NGLY1: variants seen among roughly 807,000 people sequenced by gnomAD.
NGLY1 encodes peptide-N(4)-(N-acetyl-beta-glucosaminyl)asparagine amidase.
A neutral mutation model predicts 84.6 loss-of-function variants in NGLY1; 68 were observed. That is an observed-to-expected ratio of 0.80 (90% CI 0.66 to 0.98). The LOEUF (loss-of-function observed/expected upper bound fraction) is 0.98. NGLY1 is among the 50% of genes least tolerant of loss of function. NGLY1 has a pLI of 0.00. For synonymous variants in NGLY1, 280 were observed against 275.2 expected (o/e 1.02, Z -0.17); for missense variants, 779 against 770.2 (o/e 1.01, Z -0.14).
chr3:25,785,455 C>G (rs565685310), upstream of NGLY1, among the ~76,000 whole-genome samples: 4 of 150,130 alleles, frequency 2.7e-5, no homozygotes, highest in Admixed American at 1.3e-4. Context: ...TTTATTTATC[C>G]TTTACTAATT....
At chr3:25,778,501 A>G in intron 2 of NGLY1, 73 bp downstream of exon 2, 1 of 759,948 alleles carries the variant, frequency 1.3e-6, no homozygotes, top group Non-Finnish European at 2.1e-6. Context: ...TCTTATTCAA[A>G]CAATTATTCA....
chr3:25,757,444 T>C (rs1707098199), intron 3 of NGLY1, among the ~76,000 whole-genome samples: 1 of 152,188 alleles, frequency 6.6e-6, no homozygotes, highest in Admixed American at 6.5e-5. Flanking sequence ...GTTCGACTGG[T>C]ATACGTGAAA....
chr3:25,734,794 T>G, intron 7 of NGLY1: 12 of 938,142 alleles, frequency 1.3e-5, no homozygotes, highest in Non-Finnish European at 1.5e-5. Context: ...TCCTAAACAG[T>G]TGATAGTTTA....
At position 25,737,327 on chromosome 3, in the gene NGLY1, T is replaced by C. The variant is rs1256557675; in HGVS notation, c.1003+7A>G. 6 of 1,606,650 alleles carry C rather than the reference T, an allele frequency of 3.7e-6. No homozygotes were observed. In the African/African-American group the frequency reaches 4.0e-5, roughly 11 times the overall value. ...CTACTACCCTCTGCTCATTCCACATTCTGTACCTGTGTAATCCCAAACATA... is the reference window on the plus strand; with the variant it reads ...CTACTACCCTCTGCTCATTCCACATCCTGTACCTGTGTAATCCCAAACATA... On this transcript the variant is annotated splice_region_variant and intron_variant, in intron 6 of 11. Coordinates refer to ENST00000280700, the MANE Select transcript of NGLY1 (RefSeq NM_018297.4).
chr3:25,755,391 C>G, intron 3 of NGLY1: 1 of 1,381,772 alleles, frequency 7.2e-7, no homozygotes. Flanking sequence ...AAACCTACCA[C>G]TCCTACTATA....
At position 25,737,702 on chromosome 3, in the gene NGLY1, C is replaced by G. The variant is rs902871900; in HGVS notation, c.882-247G>C. On this transcript the variant is annotated intron_variant, in intron 5 of 11. Coordinates refer to ENST00000280700, the MANE Select transcript of NGLY1 (RefSeq NM_018297.4). ...TGACTACAGGTGCATGCCACCAGGT[C>G]TGGCTAATTTTGTTTGTATTTTCAG... Among the ~76,000 whole-genome samples, 4 of 152,032 alleles carry G rather than the reference C, an allele frequency of 2.6e-5. No homozygotes were observed. The East Asian group carries it at 5.8e-4, about 22-fold the overall frequency.
intron 3 of NGLY1, among the ~76,000 whole-genome samples, chr3:25,756,032 TACTAC>T (rs1250079124): frequency 6.6e-6 from 1 of 152,228 alleles, no homozygotes; most frequent in Non-Finnish European, 1.5e-5. Context: ...TACATTTAAA[TACTAC>T]TTTATTTTAT....
intron 11 of NGLY1, 106 bp downstream of exon 11, chr3:25,719,908 T>C (rs1427600865): frequency 3.1e-6 from 3 of 970,352 alleles, no homozygotes; most frequent in African/African-American, 1.7e-5. Context: ...TGAAATAGTA[T>C]TAATAACTCT....
intron 4 of NGLY1, among the ~76,000 whole-genome samples, chr3:25,744,319 A>G (rs768229686): frequency 6.6e-6 from 1 of 152,254 alleles, no homozygotes; most frequent in African/African-American, 2.4e-5. Flanking sequence ...TATCTGGAAC[A>G]TGCAATCATG....
chr3:25,786,032 A>G (rs1708594848), upstream of NGLY1, among the ~76,000 whole-genome samples: 1 of 152,266 alleles, frequency 6.6e-6, no homozygotes, highest in Non-Finnish European at 1.5e-5. Flanking sequence ...ACAATAGTGA[A>G]TCACTATACA....
upstream of NGLY1, among the ~76,000 whole-genome samples, chr3:25,785,667 C>T (rs1432307883): frequency 2.1e-5 from 1 of 47,834 alleles, no homozygotes; most frequent in Non-Finnish European, 6.0e-5. Context: ...GACCCCATCT[C>T]TACAAAAAAA....
rs60529800 is a variant in NGLY1 at position 25,733,466 on chromosome 3, CGTGTGTGTGTGTGTGTGTGTGT to C, written c.1260+384_1260+405del. On this transcript the variant is annotated intron_variant, in intron 8 of 11. Coordinates refer to ENST00000280700, the MANE Select transcript of NGLY1 (RefSeq NM_018297.4). Reference sequence around the variant, plus strand: ...TGCTTCAGAAATTTCCTCACATGGACGTGTGTGTGTGTGTGTGTGTGTGTGTGTGTGTGTGTGTGTGTGTGTG... The same window carrying C: ...TGCTTCAGAAATTTCCTCACATGGACGTGTGTGTGTGTGTGTGTGTGTGTG... Among the ~76,000 whole-genome samples, 607 of 134,208 alleles carry C rather than the reference CGTGTGTGTGTGTGTGTGTGTGT, an allele frequency of 4.5e-3. 1 individual carries two copies. Among genetic ancestry groups the C allele is most frequent in the African/African-American group, 0.014 (524 of 36,264 alleles). 88.0% of individuals were successfully genotyped at this position (134,208 alleles called of 152,430 possible). A position where few individuals can be genotyped will look rare whatever the true frequency, so the allele number is the denominator to read the frequency against.
In NGLY1 at chr3:25,735,995, A is replaced by T. The variant is rs759780222; in HGVS notation, c.1149+9T>A. The T allele has an allele frequency of 6.3e-7, 1 of 1,584,460 alleles. No individual in the cohort carries two copies. Among genetic ancestry groups the T allele is most frequent in the Admixed American group, 1.9e-5 (1 of 51,546 alleles). The stretch of plus-strand genomic sequence containing the variant: ...TTTTGGAAAAAAGTTTTTTTCTTTT[A>T]TGCTCTACCTCATCTTTTGAAAATG... On this transcript the variant is annotated intron_variant, in intron 7 of 11. Transcript: ENST00000280700.
intron 2 of NGLY1, among the ~76,000 whole-genome samples, chr3:25,776,199 G>A (rs972963335): frequency 6.6e-6 from 1 of 152,182 alleles, no homozygotes; most frequent in Non-Finnish European, 1.5e-5. Flanking sequence ...GACCAACACT[G>A]GTTTGCCTGA....
At chr3:25,738,533 TG>T (rs1705960468) in intron 5 of NGLY1, among the ~76,000 whole-genome samples, 1 of 152,116 alleles carries the variant, frequency 6.6e-6, no homozygotes, top group African/African-American at 2.4e-5. Flanking sequence ...GTGGCATAAA[TG>T]AATGGGCTCT....
At chr3:25,785,945 T>C (rs1404641077), upstream of NGLY1, among the ~76,000 whole-genome samples, 2 of 152,224 alleles carry the variant, frequency 1.3e-5, no homozygotes, top group East Asian at 1.9e-4. Context: ...AAAAGTCTCT[T>C]GTGCCATCTG....
At chr3:25,741,550 G>C (rs184926422) in intron 4 of NGLY1, among the ~76,000 whole-genome samples, 12 of 152,074 alleles carry the variant, frequency 7.9e-5, no homozygotes, top group Admixed American at 7.2e-4. Flanking sequence ...TTTGGGTTAG[G>C]AAGGTCTTAG....
chr3:25,752,809 AAATT>A (rs544617055), intron 3 of NGLY1, among the ~76,000 whole-genome samples: 163 of 151,818 alleles, frequency 1.1e-3, no homozygotes, highest in African/African-American at 3.8e-3. Context: ...TCTCAAAAAT[AAATT>A]AATAAGTAAT....
intron 4 of NGLY1, among the ~76,000 whole-genome samples, chr3:25,750,764 G>A (rs546237388): frequency 2.0e-5 from 3 of 152,264 alleles, no homozygotes; most frequent in East Asian, 1.9e-4. Flanking sequence ...TATTTATAAT[G>A]TATAACACTG....
Sources: allele counts gnomAD v4.1 joint callset (sites outside exome capture counted in the v4.1 genomes callset), GRCh38; gene constraint gnomAD v4.1.1; transcripts MANE v1.5; gene names NCBI Gene and HGNC (gene_info 2026-07-23, HGNC 2026-07-21).